The following GRIA3 variants were observed in gnomAD, a reference collection of about 807,000 sequenced individuals.
GRIA3 encodes glutamate receptor 3.
Under a neutral mutation model 63.0 loss-of-function variants are expected in GRIA3, and 3 were observed. The ratio of observed to expected loss-of-function variants is 0.05; its 90% CI spans 0.02 to 0.12. The LOEUF (loss-of-function observed/expected upper bound fraction) is 0.12, where lower values mean the gene tolerates loss of function less well. GRIA3 is among the 10% of genes least tolerant of loss of function. The probability of loss-of-function intolerance (pLI) is 1.00; values close to 1 mark genes in which losing one functional copy is unlikely to be tolerated. For synonymous variants in GRIA3, 274 were observed against 257.9 expected (o/e 1.06, Z -0.60); for missense variants, 347 against 700.9 (o/e 0.50, Z 5.70).
chrX:123,463,068 A>G (rs2045801949), intron 12 of GRIA3, among the ~76,000 whole-genome samples: 2 of 111,668 alleles, frequency 1.8e-5, no homozygotes, highest in East Asian at 5.7e-4. Context: ...GCAAAATTCA[A>G]AAAGGTAAAG....
chrX:123,241,388 T>C (rs2044329021), intron 2 of GRIA3, among the ~76,000 whole-genome samples: 1 of 111,985 alleles, frequency 8.9e-6, no homozygotes, highest in Non-Finnish European at 1.9e-5. Flanking sequence ...TTAATATACC[T>C]GGGATATAAT....
chrX:123,265,526 A>G (rs1409166743), intron 3 of GRIA3, among the ~76,000 whole-genome samples: 12 of 112,130 alleles, frequency 1.1e-4, no homozygotes, highest in Non-Finnish European at 1.5e-4. Context: ...AAAGGTCTTC[A>G]TCCTCATTGT....
At chrX:123,405,581 C>A (rs2045469344) in intron 10 of GRIA3, among the ~76,000 whole-genome samples, 1 of 111,659 alleles carries the variant, frequency 9.0e-6, no homozygotes, top group African/African-American at 3.3e-5. Flanking sequence ...CCCCCTCACA[C>A]CCAATGTTCC....
intron 4 of GRIA3, among the ~76,000 whole-genome samples, chrX:123,337,141 G>T (rs2044979448): frequency 9.0e-6 from 1 of 111,634 alleles, no homozygotes; most frequent in Non-Finnish European, 1.9e-5. Context: ...AAGTGGCTAG[G>T]ACATGCTCCC....
intron 5 of GRIA3, among the ~76,000 whole-genome samples, chrX:123,389,688 TTTGTTGTTGTTGTTGTTG>T (rs200693212): frequency 9.4e-6 from 1 of 106,838 alleles, no homozygotes; most frequent in African/African-American, 3.5e-5. Flanking sequence ...TTCTTTTGTT[TTTGTTGTTGTTGTTGTTG>T]TTGTTGTTGT....
At chrX:123,222,873 G>A (rs2044226270) in intron 2 of GRIA3, among the ~76,000 whole-genome samples, 1 of 112,066 alleles carries the variant, frequency 8.9e-6, no homozygotes, top group South Asian at 3.7e-4. Context: ...TGCACACCAC[G>A]AGATCTATAT....
chrX:123,457,133 T>C (rs1344610585), intron 12 of GRIA3, among the ~76,000 whole-genome samples: 2 of 111,687 alleles, frequency 1.8e-5, no homozygotes, highest in East Asian at 5.6e-4. Flanking sequence ...TTTCCCTTTC[T>C]TAGTGTCTCA....
chrX:123,270,639 CTCTGACAGAGATTAGCTG>C (rs1444329832), intron 3 of GRIA3, among the ~76,000 whole-genome samples: 6 of 112,373 alleles, frequency 5.3e-5, no homozygotes, highest in Admixed American at 4.7e-4. Flanking sequence ...TCAATCCCAG[CTCTGACAGAGATTAGCTG>C]TGTGACCTTG....
At chrX:123,411,265 T>C (rs1044908436) in intron 10 of GRIA3, among the ~76,000 whole-genome samples, 2 of 111,853 alleles carry the variant, frequency 1.8e-5, no homozygotes, top group African/African-American at 6.5e-5. Context: ...TTGGATAACA[T>C]ATAGTACATT....
At chrX:123,342,644 AT>A (rs2045016345) in intron 4 of GRIA3, among the ~76,000 whole-genome samples, 1 of 112,064 alleles carries the variant, frequency 8.9e-6, no homozygotes, top group African/African-American at 3.2e-5. Context: ...TGTTCTGATT[AT>A]CCAACATTCA....
chrX:123,332,308 G>A (rs1338232992), intron 4 of GRIA3, among the ~76,000 whole-genome samples: 2 of 111,294 alleles, frequency 1.8e-5, no homozygotes, highest in Non-Finnish European at 3.8e-5. Context: ...TATGCTAACT[G>A]GGCATTTTTA....
At chrX:123,273,964 A>G (rs919585186) in intron 3 of GRIA3, among the ~76,000 whole-genome samples, 1 of 111,884 alleles carries the variant, frequency 8.9e-6, no homozygotes, top group African/African-American at 3.3e-5. Context: ...TTACTCAAGG[A>G]TACTGTATAT....
chrX:123,442,339 A>T (rs923627715), intron 12 of GRIA3, among the ~76,000 whole-genome samples: 18 of 112,309 alleles, frequency 1.6e-4, no homozygotes, highest in African/African-American at 4.9e-4. Context: ...GTAGCAGCAG[A>T]ATATATTAGA....
At position 123,185,618 on chromosome X, in the gene GRIA3, T is replaced by C. The variant is rs891229567; in HGVS notation, c.110-214T>C. On this transcript the variant is annotated intron_variant, in intron 1 of 15. Transcript: ENST00000620443. ...CGGCTCCCTCGTCTCTTCTCCCTTC[T>C]CTCTAGCCTCTTCTTTTCAGTCTAG... Among the ~76,000 whole-genome samples the C allele has an allele frequency of 2.7e-5, 3 of 110,425 alleles. No homozygotes were observed. In the Admixed American group the frequency reaches 2.9e-4, roughly 11 times the overall value.
intron 9 of GRIA3, 80 bp from the exon 10 acceptor site, chrX:123,404,628 G>A (rs1172396116): frequency 1.4e-6 from 1 of 720,969 alleles, no homozygotes; most frequent in Non-Finnish European, 2.2e-6. Flanking sequence ...AATAGTCACA[G>A]AGGGGAAAAA....
intron 13 of GRIA3, among the ~76,000 whole-genome samples, chrX:123,476,702 C>T (rs1415422107): frequency 9.0e-6 from 1 of 110,911 alleles, no homozygotes; most frequent in Non-Finnish European, 1.9e-5. Flanking sequence ...CATTGGTTCC[C>T]TGCCAGGTTT....
At chrX:123,343,091 C>A (rs750563297) in intron 4 of GRIA3, among the ~76,000 whole-genome samples, 25 of 111,803 alleles carry the variant, frequency 2.2e-4, no homozygotes, top group Admixed American at 7.6e-4. Context: ...AATTTCCTTA[C>A]CTGGAATATA....
chrX:123,187,006 TA>T (rs1412805501), intron 2 of GRIA3, among the ~76,000 whole-genome samples: 5 of 112,560 alleles, frequency 4.4e-5, no homozygotes, highest in Non-Finnish European at 9.4e-5. Context: ...CATGTAAGCT[TA>T]TTTCACTAAA....
In GRIA3 at chrX:123,253,412, G is replaced by A. The variant is rs755309623; in HGVS notation, c.378G>A (p.Thr126=). 3.3e-6 allele frequency: 4 copies of A among 1,209,630 alleles called. No individual in the cohort carries two copies. Among genetic ancestry groups the A allele is most frequent in the African/African-American group, 3.5e-5 (2 of 57,118 alleles). The change falls in exon 3 of 16, where the codon ACG becomes ACA. Residue 126 remains threonine, a synonymous_variant. Transcript: ENST00000620443. Reference sequence around the variant, plus strand: ...GGGCCCTGCACACATCCTTTGTTACGCCTAGCTTCCCCACTGACGCAGATG... The same window carrying A: ...GGGCCCTGCACACATCCTTTGTTACACCTAGCTTCCCCACTGACGCAGATG... ...FCGALHTSFV[T]PSFPTDADVQ...
Sources: gnomAD v4.1 joint callset for allele counts (sites outside exome capture counted in the v4.1 genomes callset) on GRCh38, gnomAD v4.1.1 for gene constraint, MANE v1.5 for transcripts, NCBI Gene and HGNC (gene_info 2026-07-23, HGNC 2026-07-21) for gene names.